ADAMTSL1: variants seen among roughly 807,000 people sequenced by gnomAD.
The protein encoded by ADAMTSL1 is ADAMTS-like protein 1.
ADAMTSL1 carries 126 observed loss-of-function variants against 201.8 expected under a neutral mutation model. The observed-to-expected ratio is 0.62, with a 90% CI of 0.54 to 0.72. The LOEUF is 0.72. ADAMTSL1 is among the 30% of genes least tolerant of loss of function. The pLI, the probability that ADAMTSL1 is intolerant of heterozygous loss-of-function variation, is 0.00. For missense variants in ADAMTSL1, 2,679 were observed against 2,277.8 expected, an observed-to-expected ratio of 1.18 and a Z score of -3.59; for synonymous variants, 1,121 against 903.4, an observed-to-expected ratio of 1.24 and a Z score of -4.32.
At chr9:17,950,011 C>T (rs1263014036) in intron 1 of ADAMTSL1, among the ~76,000 whole-genome samples, 4 of 152,004 alleles carry the variant, frequency 2.6e-5, no homozygotes, top group East Asian at 1.9e-4. Flanking sequence ...CTCTGTCTCC[C>T]GGGTTCAAGT....
At chr9:17,925,719 G>T (rs10963343) in intron 1 of ADAMTSL1, among the ~76,000 whole-genome samples, 7 of 119,944 alleles carry the variant, frequency 5.8e-5, no homozygotes, top group Non-Finnish European at 8.4e-5. Flanking sequence ...GTGGGGGGAG[G>T]GGGGAGGGAT....
intron 2 of ADAMTSL1, among the ~76,000 whole-genome samples, chr9:18,178,162 G>A (rs1828264422): frequency 1.3e-5 from 2 of 152,188 alleles, no homozygotes; most frequent in Non-Finnish European, 2.9e-5. Flanking sequence ...CAGGTCAGTG[G>A]GTGAGCGCAC....
At chr9:18,705,018 G>A (rs1832151195) in intron 13 of ADAMTSL1, among the ~76,000 whole-genome samples, 1 of 152,192 alleles carries the variant, frequency 6.6e-6, no homozygotes, top group Non-Finnish European at 1.5e-5. Flanking sequence ...TGCTTTGGGG[G>A]AATTCTTATC....
chr9:18,141,892 A>C (rs151157848), intron 1 of ADAMTSL1, among the ~76,000 whole-genome samples: 114 of 152,322 alleles, frequency 7.5e-4, no homozygotes, highest in African/African-American at 2.7e-3. Flanking sequence ...AGCTGTGGTC[A>C]AGTGACTTCA....
intron 2 of ADAMTSL1, among the ~76,000 whole-genome samples, chr9:18,199,103 C>G (rs1328169560): frequency 9.3e-6 from 1 of 107,062 alleles, no homozygotes; most frequent in Non-Finnish European, 1.8e-5. Flanking sequence ...ACTCTGGGGA[C>G]TGTTGTGGGG....
chr9:18,464,372 T>C (rs1820921859), intron 2 of ADAMTSL1, among the ~76,000 whole-genome samples: 1 of 152,244 alleles, frequency 6.6e-6, no homozygotes, highest in African/African-American at 2.4e-5. Context: ...ACAAATGAAA[T>C]TGTAGTATTG....
chr9:18,526,548 A>G (rs972979543), intron 2 of ADAMTSL1, among the ~76,000 whole-genome samples: 2 of 152,174 alleles, frequency 1.3e-5, no homozygotes, highest in African/African-American at 4.8e-5. Flanking sequence ...GGTCTTTACA[A>G]TTTGGCATGT....
intron 15 of ADAMTSL1, among the ~76,000 whole-genome samples, chr9:18,752,220 A>C (rs1444645147): frequency 1.3e-5 from 2 of 151,134 alleles, no homozygotes; most frequent in Non-Finnish European, 1.5e-5. Flanking sequence ...GTGTAGATGA[A>C]AGGAGGTAGT....
chr9:18,372,998 G>T (rs1464789917), intron 2 of ADAMTSL1, among the ~76,000 whole-genome samples: 4 of 152,146 alleles, frequency 2.6e-5, no homozygotes, highest in Non-Finnish European at 5.9e-5. Flanking sequence ...TGAGAGTGAG[G>T]CTGGTATCAG....
intron 2 of ADAMTSL1, among the ~76,000 whole-genome samples, chr9:18,300,364 G>A (rs1014351624): frequency 7.6e-5 from 11 of 145,126 alleles, no homozygotes; most frequent in Admixed American, 1.5e-4. Flanking sequence ...CATAAGGACA[G>A]AAAACCAAAC....
chr9:18,655,867 C>T (rs1313188627), intron 7 of ADAMTSL1, among the ~76,000 whole-genome samples: 1 of 127,016 alleles, frequency 7.9e-6, no homozygotes, highest in Non-Finnish European at 1.6e-5. Context: ...ATTAATACTA[C>T]ATCCCTAAGC....
chr9:18,080,900 A>G (rs896971889), intron 1 of ADAMTSL1, among the ~76,000 whole-genome samples: 2 of 152,232 alleles, frequency 1.3e-5, no homozygotes, highest in African/African-American at 4.8e-5. Flanking sequence ...TTTTAATGTT[A>G]GTCCCAAAAT....
At chr9:17,974,058 A>G (rs933865123) in intron 1 of ADAMTSL1, among the ~76,000 whole-genome samples, 2 of 152,050 alleles carry the variant, frequency 1.3e-5, no homozygotes, top group African/African-American at 2.4e-5. Flanking sequence ...CTTCATGCTA[A>G]AAACTCTCAA....
At chr9:18,270,680 AG>A in intron 2 of ADAMTSL1, among the ~76,000 whole-genome samples, 1 of 152,300 alleles carries the variant, frequency 6.6e-6, no homozygotes, top group South Asian at 2.1e-4. Context: ...ATACTTTCAG[AG>A]GTGTGGTAGG....
intron 1 of ADAMTSL1, among the ~76,000 whole-genome samples, chr9:18,494,009 G>C (rs1009322129): frequency 6.6e-6 from 1 of 152,148 alleles, no homozygotes; most frequent in African/African-American, 2.4e-5. Context: ...AACTATACTG[G>C]GTGGCTGACA....
intron 20 of ADAMTSL1, among the ~76,000 whole-genome samples, chr9:18,816,720 C>CT (rs751791974): frequency 0.12 from 4,995 of 39,968 alleles, 1,106 homozygotes; most frequent in East Asian, 0.2. Context: ...AACCCTTGGT[C>CT]TTTTTTTTTT....
chr9:18,397,390 T>C (rs904256789), intron 2 of ADAMTSL1, among the ~76,000 whole-genome samples: 1 of 152,100 alleles, frequency 6.6e-6, no homozygotes, highest in Non-Finnish European at 1.5e-5. Context: ...ATTGAATCCA[T>C]GATTAAAGAT....
chr9:18,189,263 G>T (rs934907495), intron 2 of ADAMTSL1, among the ~76,000 whole-genome samples: 1 of 152,134 alleles, frequency 6.6e-6, no homozygotes, highest in Admixed American at 6.6e-5. Flanking sequence ...GAGAAAATTT[G>T]CTCTCAAAAT....
chr9:18,463,478 T>C (rs4961649), intron 2 of ADAMTSL1, among the ~76,000 whole-genome samples: 66,399 of 151,994 alleles, frequency 0.44, 14,552 homozygotes, highest in South Asian at 0.49. Flanking sequence ...ATCATCTCCA[T>C]CTATCTTCAG....
Sources: allele counts gnomAD v4.1 joint callset (sites outside exome capture counted in the v4.1 genomes callset), GRCh38; gene constraint gnomAD v4.1.1; transcripts MANE v1.5; gene names NCBI Gene and HGNC (gene_info 2026-07-23, HGNC 2026-07-21).